The following PHACTR3 variants were observed in gnomAD, a reference collection of about 807,000 sequenced individuals.
PHACTR3 encodes protein phosphatase 1, regulatory subunit 123.
PHACTR3 carries 16 observed loss-of-function variants against 66.8 expected under a neutral mutation model. The observed-to-expected ratio is 0.24, with a 90% CI of 0.16 to 0.36. The LOEUF (loss-of-function observed/expected upper bound fraction) is 0.36. Among genes scored for constraint, PHACTR3 ranks in the 10% least tolerant of loss-of-function variants. PHACTR3 has a pLI of 1.00. For synonymous variants in PHACTR3, 323 were observed against 292.1 expected, an observed-to-expected ratio of 1.11 and a Z score of -1.08; for missense variants, 647 against 719.9, an observed-to-expected ratio of 0.90 and a Z score of 1.16.
At chr20:59,753,895 C>G (rs2039689011) in intron 3 of PHACTR3, among the ~76,000 whole-genome samples, 1 of 152,148 alleles carries the variant, frequency 6.6e-6, no homozygotes, top group East Asian at 1.9e-4. Flanking sequence ...TCCTATGGAC[C>G]CTGACCCTGA....
At chr20:59,667,936 G>A (rs1023776001) in intron 1 of PHACTR3, among the ~76,000 whole-genome samples, 7 of 152,216 alleles carry the variant, frequency 4.6e-5, no homozygotes, top group Admixed American at 4.6e-4. Context: ...CGAGCCACAA[G>A]GGCAGTGCTA....
In PHACTR3 at chr20:59,651,423, A is replaced by G. The variant is rs79541197; in HGVS notation, c.118+46291A>G. Among the ~76,000 whole-genome samples, 332 of 152,340 alleles carry G rather than the reference A, an allele frequency of 2.2e-3. 4 individuals carry two copies. The highest frequency in any genetic ancestry group is 7.6e-3 in the African/African-American group (318 of 41,578). On this transcript the variant is annotated intron_variant, in intron 1 of 12. Coordinates refer to ENST00000371015, the MANE Select transcript of PHACTR3 (RefSeq NM_080672.5). ...TATAAAATATAAAAATAGAACATTT[A>G]AAAATTAAAGCATCATGTTATATTG... is the stretch of plus-strand genomic sequence containing the variant.
At chr20:59,795,099 C>T (rs1365085736) in intron 7 of PHACTR3, among the ~76,000 whole-genome samples, 2 of 151,886 alleles carry the variant, frequency 1.3e-5, no homozygotes, top group African/African-American at 2.4e-5. Flanking sequence ...GTTTATTTCA[C>T]ATCTTATTTT....
At chr20:59,599,209 C>T (rs1446869612) in intron 1 of PHACTR3, among the ~76,000 whole-genome samples, 3 of 152,194 alleles carry the variant, frequency 2.0e-5, no homozygotes, top group Admixed American at 1.3e-4. Context: ...TAGGCTCCGC[C>T]GTGCACATTC....
intron 1 of PHACTR3, among the ~76,000 whole-genome samples, chr20:59,742,078 T>G (rs2039181331): frequency 6.6e-6 from 1 of 152,230 alleles, no homozygotes; most frequent in South Asian, 2.1e-4. Context: ...TCCCCATTTC[T>G]TTGGAGGGCC....
Position 59,604,764 on chromosome 20 carries a change from A to G in PHACTR3, c.-251A>G. 1 of 1,169,594 alleles carries G rather than the reference A, an allele frequency of 8.5e-7. No individual in the cohort carries two copies. The highest frequency in any genetic ancestry group is 4.4e-5 in the South Asian group (1 of 22,968). The allele number at this position is 1,169,594 out of a possible 1,614,324, so 72.5% of individuals were successfully genotyped here. A position where few individuals can be genotyped will look rare whatever the true frequency, so the allele number is the denominator to read the frequency against. Reference sequence around the variant, plus strand: ...GAATGGGAATAAACACGAATAAATAACAAAGCGAGGCCGCGCACGCCGGGA... The same window carrying G: ...GAATGGGAATAAACACGAATAAATAGCAAAGCGAGGCCGCGCACGCCGGGA... On this transcript the variant is annotated 5_prime_UTR_variant, in exon 1 of 13. The change abolishes the stop of an existing upstream ORF in the 5' untranslated region. Transcript: ENST00000371015.
chr20:59,725,022 G>A (rs1394480652), intron 1 of PHACTR3, among the ~76,000 whole-genome samples: 1 of 152,074 alleles, frequency 6.6e-6, no homozygotes, highest in Non-Finnish European at 1.5e-5. Context: ...TGAGAGGAGG[G>A]TGGATGTGAG....
At position 59,831,119 on chromosome 20, in the gene PHACTR3, A is replaced by G. The variant is rs368245242; in HGVS notation, c.1329-5386A>G. ...GACTGCTACAGATCTGTCGTGTGAG[A>G]GGCACTCGGAACCAGGAAGTGCCTG... On this transcript the variant is annotated intron_variant, in intron 8 of 12. Coordinates refer to ENST00000371015, the MANE Select transcript of PHACTR3 (RefSeq NM_080672.5). 1.2e-4 allele frequency among the ~76,000 whole-genome samples: 18 copies of G among 152,246 alleles called. No individual in the cohort carries two copies. In the East Asian group the frequency reaches 3.5e-3, roughly 29 times the overall value.
rs114477685 is a variant in PHACTR3 at position 59,797,986 on chromosome 20, A to G, written c.1175-8055A>G. 1.9e-3 allele frequency among the ~76,000 whole-genome samples: 288 copies of G among 152,260 alleles called. 1 individual carries two copies. The highest frequency in any genetic ancestry group is 6.5e-3 in the African/African-American group (272 of 41,554). On this transcript the variant is annotated intron_variant, in intron 7 of 12. Transcript: ENST00000371015. ...TTGTCAGAGTAAATTCTGGCTTCAC[A>G]GAATTATTTGTAGTCTCTCCTGTCT...
chr20:59,634,228 A>G (rs1333022529), intron 1 of PHACTR3, among the ~76,000 whole-genome samples: 3 of 152,198 alleles, frequency 2.0e-5, no homozygotes, highest in African/African-American at 7.2e-5. Flanking sequence ...TGAGGGACGA[A>G]GTGTTGTGGT....
chr20:59,691,556 CTATAT>C (rs1425995384), intron 1 of PHACTR3, among the ~76,000 whole-genome samples: 3 of 152,144 alleles, frequency 2.0e-5, no homozygotes, highest in Admixed American at 1.3e-4. Flanking sequence ...ATTATTATCA[CTATAT>C]TATATGTTTT....
chr20:59,609,145 C>T (rs760092950), intron 1 of PHACTR3, among the ~76,000 whole-genome samples: 8 of 152,222 alleles, frequency 5.3e-5, no homozygotes, highest in Admixed American at 2.0e-4. Context: ...CATCCTTCTG[C>T]AGGGCCGGGT....
At chr20:59,675,041 T>C (rs2036404800) in intron 1 of PHACTR3, among the ~76,000 whole-genome samples, 1 of 100,546 alleles carries the variant, frequency 9.9e-6, no homozygotes, top group African/African-American at 4.2e-5. Context: ...TTCCTCCCCC[T>C]TCTCCTCCCT....
chr20:59,650,691 T>C (rs1445695299), intron 1 of PHACTR3, among the ~76,000 whole-genome samples: 1 of 147,608 alleles, frequency 6.8e-6, no homozygotes, highest in Admixed American at 6.8e-5. Flanking sequence ...AAATCACATT[T>C]GTAAGTGGCA....
chr20:59,766,107 C>A (rs780040451), intron 4 of PHACTR3, among the ~76,000 whole-genome samples: 1 of 152,184 alleles, frequency 6.6e-6, no homozygotes, highest in Non-Finnish European at 1.5e-5. Context: ...AGAGGAGCCC[C>A]GGTCTGATGA....
At chr20:59,641,256 C>A (rs963056033) in intron 1 of PHACTR3, among the ~76,000 whole-genome samples, 1 of 152,110 alleles carries the variant, frequency 6.6e-6, no homozygotes, top group Non-Finnish European at 1.5e-5. Flanking sequence ...CTCTCTCTCT[C>A]TATCATTTTC....
intron 1 of PHACTR3, among the ~76,000 whole-genome samples, chr20:59,651,626 T>G (rs901290334): frequency 1.3e-5 from 2 of 152,224 alleles, no homozygotes; most frequent in Admixed American, 1.3e-4. Context: ...TTATTCATTA[T>G]AGCAAAGTGT....
At chr20:59,622,988 A>AAAAAAAAAAAAAAAAAAAAAAAAAAAC (rs1568940541) in intron 1 of PHACTR3, among the ~76,000 whole-genome samples, 2 of 143,746 alleles carry the variant, frequency 1.4e-5, no homozygotes, top group Non-Finnish European at 3.0e-5. Context: ...AACCAAAAAA[A>AAAAAAAAAAAAAAAAAAAAAAAAAAAC]AAAAAAAAAA....
chr20:59,648,084 C>T (rs929354531), intron 1 of PHACTR3, among the ~76,000 whole-genome samples: 6 of 152,202 alleles, frequency 3.9e-5, no homozygotes, highest in African/African-American at 9.7e-5. Flanking sequence ...GAAACCTACC[C>T]AGACTGGCTT....
Sources: gnomAD v4.1 joint callset for allele counts (sites outside exome capture counted in the v4.1 genomes callset) on GRCh38, gnomAD v4.1.1 for gene constraint, MANE v1.5 for transcripts, NCBI Gene and HGNC (gene_info 2026-07-23, HGNC 2026-07-21) for gene names.